TFCP2: variants seen among roughly 807,000 people sequenced by gnomAD.
TFCP2 encodes alpha-globin transcription factor CP2.
A neutral mutation model predicts 73.4 loss-of-function variants in TFCP2; 33 were observed. The observed-to-expected ratio is 0.45, with a 90% CI of 0.34 to 0.60. The LOEUF (loss-of-function observed/expected upper bound fraction) is 0.60, where lower values mean the gene tolerates loss of function less well. TFCP2 is among the 20% of genes least tolerant of loss of function. The probability of loss-of-function intolerance (pLI) is 0.01; values close to 1 mark genes in which losing one functional copy is unlikely to be tolerated. For synonymous variants in TFCP2, 193 were observed against 211.6 expected, an observed-to-expected ratio of 0.91 and a Z score of 0.76; for missense variants, 352 against 604.0, an observed-to-expected ratio of 0.58 and a Z score of 4.37.
intron 1 of TFCP2, among the ~76,000 whole-genome samples, chr12:51,159,052 G>T (rs1272144212): frequency 6.8e-6 from 1 of 146,488 alleles, no homozygotes; most frequent in Non-Finnish European, 1.5e-5. Flanking sequence ...GGTGGTAGGC[G>T]CCTTTAATCA....
chr12:51,150,279 G>A (rs187278194), intron 1 of TFCP2, among the ~76,000 whole-genome samples: 3 of 152,258 alleles, frequency 2.0e-5, no homozygotes, highest in Non-Finnish European at 4.4e-5. Context: ...TTAGCTGGGC[G>A]TGGTGGCAGG....
intron 1 of TFCP2, among the ~76,000 whole-genome samples, chr12:51,120,346 A>C (rs895451022): frequency 6.6e-6 from 1 of 152,182 alleles, no homozygotes; most frequent in Non-Finnish European, 1.5e-5. Flanking sequence ...TCTCACAGAT[A>C]TAATGCTCGA....
intron 1 of TFCP2, among the ~76,000 whole-genome samples, chr12:51,146,994 G>C (rs1941310609): frequency 2.0e-5 from 3 of 152,188 alleles, no homozygotes. Flanking sequence ...TTTGCTGAAT[G>C]ATAGAGTAAA....
At chr12:51,118,450 G>C (rs921632445) in intron 2 of TFCP2, among the ~76,000 whole-genome samples, 171 bp downstream of exon 2, 2 of 152,166 alleles carry the variant, frequency 1.3e-5, no homozygotes, top group Non-Finnish European at 1.5e-5. Flanking sequence ...AGCTACTCAG[G>C]AGGCTGAGGC....
intron 11 of TFCP2, among the ~76,000 whole-genome samples, chr12:51,100,685 C>T (rs577091385): frequency 2.0e-5 from 3 of 152,220 alleles, no homozygotes; most frequent in South Asian, 2.1e-4. Context: ...CGTGGTGGTG[C>T]GTGCCTGTAG....
At chr12:51,095,891 G>T in intron 14 of TFCP2, 98 bp downstream of exon 14, 3 of 818,610 alleles carry the variant, frequency 3.7e-6, no homozygotes, top group South Asian at 4.2e-5. Flanking sequence ...ACCCAAATAT[G>T]GTTACTTTTC....
chr12:51,116,743 G>A (rs527689978), intron 3 of TFCP2, among the ~76,000 whole-genome samples: 1 of 151,652 alleles, frequency 6.6e-6, no homozygotes, highest in East Asian at 1.9e-4. Flanking sequence ...TCAGCCTCCT[G>A]AGTAGCTGGG....
chr12:51,154,185 G>A (rs535025712), intron 1 of TFCP2, among the ~76,000 whole-genome samples: 82 of 152,096 alleles, frequency 5.4e-4, no homozygotes, highest in Non-Finnish European at 1.1e-3. Flanking sequence ...TAGAGACCCT[G>A]CTTTCAATTA....
chr12:51,127,756 C>A (rs1471651185), intron 1 of TFCP2, among the ~76,000 whole-genome samples: 2 of 152,164 alleles, frequency 1.3e-5, no homozygotes, highest in Non-Finnish European at 2.9e-5. Context: ...GGGTGCCTAT[C>A]TCTCTAAATG....
At chr12:51,159,040 G>A (rs937642110) in intron 1 of TFCP2, among the ~76,000 whole-genome samples, 28 of 148,698 alleles carry the variant, frequency 1.9e-4, no homozygotes, top group African/African-American at 6.6e-4. Flanking sequence ...TTAGCCAGGC[G>A]TGGTGGTAGG....
chr12:51,146,182 G>A (rs1003701832), intron 1 of TFCP2, among the ~76,000 whole-genome samples: 9 of 151,666 alleles, frequency 5.9e-5, no homozygotes, highest in African/African-American at 2.2e-4. Context: ...GGCATGCTCA[G>A]CTGTTGTCTC....
intron 1 of TFCP2, among the ~76,000 whole-genome samples, chr12:51,133,909 G>A (rs1392878527): frequency 8.1e-6 from 1 of 123,630 alleles, no homozygotes; most frequent in African/African-American, 3.1e-5. Context: ...GCAACAGGGC[G>A]AGACCCTGTC....
chr12:51,111,012 A>G, intron 4 of TFCP2, 29 bp from the exon 5 acceptor site: 1 of 1,484,052 alleles, frequency 6.7e-7, no homozygotes, highest in Non-Finnish European at 9.4e-7. Context: ...ATCATTGAAC[A>G]ATTTTGAGGG....
At chr12:51,165,442 G>T (rs1941736521) in intron 1 of TFCP2, among the ~76,000 whole-genome samples, 1 of 148,500 alleles carries the variant, frequency 6.7e-6, no homozygotes, top group African/African-American at 2.6e-5. Context: ...ACCCTTTTAA[G>T]ATTAAAAAAA....
intron 1 of TFCP2, among the ~76,000 whole-genome samples, chr12:51,132,755 T>C (rs1297518899): frequency 2.0e-5 from 3 of 152,128 alleles, no homozygotes; most frequent in African/African-American, 4.8e-5. Flanking sequence ...GGCTACTCTG[T>C]TGAAGCAACC....
At position 51,152,871 on chromosome 12, in the gene TFCP2, T is replaced by C. The variant is rs545874463; in HGVS notation, c.122+19430A>G. Among the ~76,000 whole-genome samples, 23 of 152,220 alleles carry C rather than the reference T, an allele frequency of 1.5e-4. No homozygotes were observed. In the South Asian group the frequency reaches 4.8e-3, roughly 32 times the overall value. On this transcript the variant is annotated intron_variant, in intron 1 of 14. Coordinates refer to ENST00000257915, the MANE Select transcript of TFCP2 (RefSeq NM_005653.5). ...AGTTCAGTGGTATTAAGTACAATCA[T>C]ATTGTTGTACAACCATCACCATCAT...
chr12:51,124,770 A>ACCTTTTTCTGCTGCTCAG (rs760516889), intron 1 of TFCP2: 17 of 777,574 alleles, frequency 2.2e-5, no homozygotes, highest in East Asian at 5.6e-5. Flanking sequence ...CTGCTGCTCA[A>ACCTTTTTCTGCTGCTCAG]CCTTTTTCTG....
chr12:51,137,100 A>C (rs1941078774), intron 1 of TFCP2, among the ~76,000 whole-genome samples: 1 of 152,200 alleles, frequency 6.6e-6, no homozygotes, highest in Non-Finnish European at 1.5e-5. Context: ...AAGCACTTTA[A>C]GAAGTGCTTC....
intron 1 of TFCP2, among the ~76,000 whole-genome samples, chr12:51,160,746 A>G (rs1040045042): frequency 2.0e-5 from 3 of 152,194 alleles, no homozygotes; most frequent in Non-Finnish European, 2.9e-5. Context: ...AAACACTTGC[A>G]GTGTCCAGAA....
Sources: allele counts gnomAD v4.1 joint callset (sites outside exome capture counted in the v4.1 genomes callset), GRCh38; gene constraint gnomAD v4.1.1; transcripts MANE v1.5; gene names NCBI Gene and HGNC (gene_info 2026-07-23, HGNC 2026-07-21).